RNF144B: variants seen among roughly 807,000 people sequenced by gnomAD.
RNF144B encodes the protein E3 ubiquitin-protein ligase RNF144B.
In RNF144B, 25 loss-of-function variants were observed where a neutral mutation model predicts 40.2. That is an observed-to-expected ratio of 0.62 (90% CI 0.45 to 0.87). The LOEUF is 0.87. Ranked by LOEUF, RNF144B falls within the 40% of genes least tolerant of loss-of-function variation. The probability of loss-of-function intolerance (pLI) is 0.00; values close to 1 mark genes in which losing one functional copy is unlikely to be tolerated. For missense variants in RNF144B, 365 were observed against 373.7 expected, an observed-to-expected ratio of 0.98 and a Z score of 0.19; for synonymous variants, 145 against 136.3, an observed-to-expected ratio of 1.06 and a Z score of -0.44.
rs1022421696 is a variant in RNF144B at position 18,387,427 on chromosome 6, T to C, written c.-240T>C. ...TCAAGGCTAGGAGGCGGTCGGGGACTCCGCCTCCTCCCGACCCGTAGGTCT... is the reference window on the plus strand; with the variant it reads ...TCAAGGCTAGGAGGCGGTCGGGGACCCCGCCTCCTCCCGACCCGTAGGTCT... On this transcript the variant is annotated 5_prime_UTR_variant, in exon 1 of 8. Transcript: ENST00000259939. 18 of 1,186,574 alleles carry C rather than the reference T, an allele frequency of 1.5e-5. No homozygotes were observed. The highest frequency in any genetic ancestry group is 1.8e-5 in the Non-Finnish European group (17 of 934,098). The allele number at this position is 1,186,574 out of a possible 1,614,324, so 73.5% of individuals were successfully genotyped here. A position where few individuals can be genotyped will look rare whatever the true frequency, so the allele number is the denominator to read the frequency against.
chr6:18,452,506 G>C (rs1169114124), intron 4 of RNF144B, among the ~76,000 whole-genome samples: 1 of 152,126 alleles, frequency 6.6e-6, no homozygotes, highest in African/African-American at 2.4e-5. Context: ...ATTTGAATGT[G>C]TTTCAGTATT....
rs1758518730 is a variant in RNF144B, at chr6:18,425,087, G to A, written c.166-2494G>A. Among the ~76,000 whole-genome samples the A allele has an allele frequency of 6.6e-6, 1 of 152,140 alleles. No homozygotes were observed. Among genetic ancestry groups the A allele is most frequent in the Middle Eastern group, 3.4e-3 (1 of 294 alleles). ...TGTGTGTGTGTGTTAAAACCTGTGA[G>A]GTAACTATAACAGGTATTATTGTCC... is the stretch of plus-strand genomic sequence containing the variant. On this transcript the variant is annotated intron_variant, in intron 2 of 7. Coordinates refer to ENST00000259939, the MANE Select transcript of RNF144B (RefSeq NM_182757.4). This position sits in a 1 kb window ranked among gnomAD's most constrained non-coding sequence, Gnocchi z 4.2.
chr6:18,432,303 A>G (rs1758712445), intron 3 of RNF144B, among the ~76,000 whole-genome samples: 1 of 152,186 alleles, frequency 6.6e-6, no homozygotes, highest in Non-Finnish European at 1.5e-5. Context: ...TTGTATAGGA[A>G]ATGGTAGAAA....
chr6:18,411,497 ATT>A (rs1197413176), intron 2 of RNF144B, among the ~76,000 whole-genome samples: 7 of 29,778 alleles, frequency 2.4e-4, no homozygotes, highest in African/African-American at 4.2e-4. Flanking sequence ...ATATATATAT[ATT>A]TTTTTTTTTT....
chr6:18,387,364 G>T lies in RNF144B; in HGVS notation c.-303G>T. The T allele has an allele frequency of 8.7e-7, 1 of 1,148,432 alleles. No individual in the cohort carries two copies. Among genetic ancestry groups the T allele is most frequent in the Non-Finnish European group, 1.1e-6 (1 of 918,938 alleles). The allele number at this position is 1,148,432 out of a possible 1,614,324, so 71.1% of individuals were successfully genotyped here. On this transcript the variant is annotated 5_prime_UTR_variant, in exon 1 of 8. Transcript: ENST00000259939. ...CCGCTGCTGGCGAGCTGTGCCCCAC[G>T]CTCCCGCTGCAACAGTCCCGGGCAT...
chr6:18,398,192 C>G lies in RNF144B; in HGVS notation c.-36-1307C>G, dbSNP rs1794729030. Among the ~76,000 whole-genome samples the G allele has an allele frequency of 6.6e-6, 1 of 152,108 alleles. No individual in the cohort carries two copies. The highest frequency in any genetic ancestry group is 1.9e-4 in the East Asian group (1 of 5,186). ...GTAACCTCTATTCTTCTTTTTGTCT[C>G]TCAGAATTGACTACTCTAGGTACCT... On this transcript the variant is annotated intron_variant, in intron 1 of 7. Coordinates refer to ENST00000259939, the MANE Select transcript of RNF144B (RefSeq NM_182757.4). This position sits in a 1 kb window ranked among gnomAD's most constrained non-coding sequence, Gnocchi z 5.0.
At chr6:18,462,066 A>G (rs917376996) in intron 6 of RNF144B, among the ~76,000 whole-genome samples, 4 of 152,158 alleles carry the variant, frequency 2.6e-5, no homozygotes, top group Non-Finnish European at 4.4e-5. Context: ...CTCTCAACAT[A>G]TCCATGCATT....
Position 18,406,243 on chromosome 6 carries a change from C to T in RNF144B, c.165+6544C>T. The T allele has an allele frequency of 2.0e-6, 1 of 489,700 alleles. No homozygotes were observed. Among genetic ancestry groups the T allele is most frequent in the East Asian group, 5.6e-5 (1 of 17,972 alleles). 30.3% of individuals were successfully genotyped at this position (489,700 alleles called of 1,614,324 possible). A position where few individuals can be genotyped will look rare whatever the true frequency, so the allele number is the denominator to read the frequency against. ...AATAGGGTGAGGGGGGTCAGGAGTG[C>T]TGTGGGGAAGAGGGACTTCTACTTT... On this transcript the variant is annotated intron_variant, in intron 2 of 7. Coordinates refer to ENST00000259939, the MANE Select transcript of RNF144B (RefSeq NM_182757.4). This position sits in a 1 kb window ranked among gnomAD's most constrained non-coding sequence, Gnocchi z 4.2.
chr6:18,430,346 C>A (rs1164532413), intron 3 of RNF144B, among the ~76,000 whole-genome samples: 2 of 152,180 alleles, frequency 1.3e-5, no homozygotes, highest in East Asian at 3.9e-4. Context: ...AGCCACTAGG[C>A]ACTGACATTT....
Position 18,460,543 on chromosome 6 carries a change from T to C in RNF144B, c.681+792T>C, listed in dbSNP as rs1362639481. 6.6e-6 allele frequency among the ~76,000 whole-genome samples: 1 copy of C among 152,170 alleles called. No homozygotes were observed. Among genetic ancestry groups the C allele is most frequent in the Admixed American group, 6.6e-5 (1 of 15,266 alleles). On this transcript the variant is annotated intron_variant, in intron 6 of 7. Transcript: ENST00000259939. This position sits in a 1 kb window ranked among gnomAD's most constrained non-coding sequence, Gnocchi z 4.4. ...ACCACTATTAGATTTTTTCTTCGTT[T>C]TGAATTTAAAGAAAAATGGTTCAAA...
rs929098643 is a variant in RNF144B, at chr6:18,412,541, G to A, written c.165+12842G>A. 8.0e-6 allele frequency among the ~76,000 whole-genome samples: 1 copy of A among 125,224 alleles called. No homozygotes were observed. The highest frequency in any genetic ancestry group is 1.8e-5 in the Non-Finnish European group (1 of 56,440). 82.2% of individuals were successfully genotyped at this position (125,224 alleles called of 152,430 possible). On this transcript the variant is annotated intron_variant, in intron 2 of 7. Transcript: ENST00000259939. This position sits in a 1 kb window ranked among gnomAD's most constrained non-coding sequence, Gnocchi z 4.2. ...GAAAAAATGGTGGTGTTCAGACTGA[G>A]GGAGATGCCTTATCACACAAAAAAA...
chr6:18,422,390 T>G lies in RNF144B; in HGVS notation c.166-5191T>G, dbSNP rs1237404516. ...CATTGTGCACTGAGGCAGGGAAATG[T>G]TAGTCTACATTTTATGGAATATGTA... On this transcript the variant is annotated intron_variant, in intron 2 of 7. Coordinates refer to ENST00000259939, the MANE Select transcript of RNF144B (RefSeq NM_182757.4). The surrounding 1 kb of genome is among the most constrained non-coding windows in gnomAD (Gnocchi z 4.7). Among the ~76,000 whole-genome samples, 1 of 152,206 alleles carries G rather than the reference T, an allele frequency of 6.6e-6. No individual in the cohort carries two copies. Among genetic ancestry groups the G allele is most frequent in the Non-Finnish European group, 1.5e-5 (1 of 68,030 alleles).
At chr6:18,399,732 A>C (rs1246551974) in intron 2 of RNF144B, 33 bp downstream of exon 2, 1 of 1,540,570 alleles carries the variant, frequency 6.5e-7, no homozygotes. Context: ...ACTATGAGAA[A>C]ATACAAAGGG....
At chr6:18,403,135 C>A (rs1409898879) in intron 2 of RNF144B, among the ~76,000 whole-genome samples, 2 of 152,184 alleles carry the variant, frequency 1.3e-5, no homozygotes, top group African/African-American at 4.8e-5. Context: ...ATTTAAATAA[C>A]CCAAATATGA....
intron 4 of RNF144B, among the ~76,000 whole-genome samples, chr6:18,453,491 T>C (rs1291177806): frequency 6.6e-6 from 1 of 152,166 alleles, no homozygotes; most frequent in Non-Finnish European, 1.5e-5. Context: ...CTTAGAGGTC[T>C]TTCCAAATTG....
At chr6:18,430,268 A>C (rs1272891572) in intron 3 of RNF144B, among the ~76,000 whole-genome samples, 2 of 152,232 alleles carry the variant, frequency 1.3e-5, no homozygotes, top group African/African-American at 4.8e-5. Flanking sequence ...CGGACAGCAC[A>C]GAATAAAATA....
At position 18,418,572 on chromosome 6, in the gene RNF144B, T is replaced by A. The variant is rs1446804525; in HGVS notation, c.166-9009T>A. Among the ~76,000 whole-genome samples the A allele has an allele frequency of 2.0e-5, 3 of 152,054 alleles. No homozygotes were observed. The highest frequency in any genetic ancestry group is 4.4e-5 in the Non-Finnish European group (3 of 67,994). On this transcript the variant is annotated intron_variant, in intron 2 of 7. Coordinates refer to ENST00000259939, the MANE Select transcript of RNF144B (RefSeq NM_182757.4). This position sits in a 1 kb window ranked among gnomAD's most constrained non-coding sequence, Gnocchi z 5.2. ...GTTCCCTAGGGCTGTGCATGGAGGA[T>A]CTGGGGGAGAAATGGGGAGCATGTA... is the stretch of plus-strand genomic sequence containing the variant.
At chr6:18,421,999 A>G (rs999401023) in intron 2 of RNF144B, among the ~76,000 whole-genome samples, 1 of 152,174 alleles carries the variant, frequency 6.6e-6, no homozygotes, top group African/African-American at 2.4e-5. Context: ...TGGTTGGCCA[A>G]CACCTACAAG....
chr6:18,445,741 A>G (rs1022720992), intron 4 of RNF144B, among the ~76,000 whole-genome samples: 1 of 152,176 alleles, frequency 6.6e-6, no homozygotes, highest in African/African-American at 2.4e-5. Context: ...TCAAAGCTAC[A>G]TAATGTTTTC....
Sources: gnomAD v4.1 joint callset for allele counts (sites outside exome capture counted in the v4.1 genomes callset) on GRCh38, gnomAD v4.1.1 for gene constraint, Gnocchi (gnomAD v3.1) non-coding constraint, MANE v1.5 for transcripts, NCBI Gene and HGNC (gene_info 2026-07-23, HGNC 2026-07-21) for gene names.